Variants in BIN3 observed in about 807,000 individuals in gnomAD.
BIN3 encodes bridging integrator 3.
Under a neutral mutation model 38.2 loss-of-function variants are expected in BIN3, and 41 were observed. That is an observed-to-expected ratio of 1.07 (90% CI 0.84 to 1.39). The LOEUF (loss-of-function observed/expected upper bound fraction) is 1.39. Ranked by LOEUF, BIN3 falls within the 40% of genes most tolerant of loss-of-function variation. BIN3 has a pLI of 0.00. For missense variants in BIN3, 361 were observed against 324.3 expected, an observed-to-expected ratio of 1.11 and a Z score of -0.87; for synonymous variants, 145 against 122.6, an observed-to-expected ratio of 1.18 and a Z score of -1.21.
chr8:22,623,314 G>A (rs993366583), intron 8 of BIN3, among the ~76,000 whole-genome samples: 1 of 152,208 alleles, frequency 6.6e-6, no homozygotes, highest in Non-Finnish European at 1.5e-5. Context: ...GTCCCCGAGT[G>A]GAAGGAGACG....
intron 8 of BIN3, among the ~76,000 whole-genome samples, 162 bp from the exon 9 acceptor site, chr8:22,621,730 A>G (rs796069145): frequency 7.9e-5 from 12 of 152,326 alleles, no homozygotes; most frequent in African/African-American, 2.9e-4. Context: ...GCTCTAGCTG[A>G]GACTGAACCA....
chr8:22,648,934 TGTATGTAA>T (rs1386060140), intron 1 of BIN3, among the ~76,000 whole-genome samples: 3 of 150,118 alleles, frequency 2.0e-5, no homozygotes. Flanking sequence ...TATGTATGTA[TGTATGTAA>T]GTGTGTGTGT....
chr8:22,647,705 G>C (rs545608694), intron 1 of BIN3, among the ~76,000 whole-genome samples: 1 of 152,096 alleles, frequency 6.6e-6, no homozygotes, highest in Non-Finnish European at 1.5e-5. Context: ...CTCTTTCCTT[G>C]TATTTTCACC....
At chr8:22,647,951 G>C (rs76856898) in intron 1 of BIN3, among the ~76,000 whole-genome samples, 49,806 of 150,882 alleles carry the variant, frequency 0.33, 8,609 homozygotes, top group East Asian at 0.66. Flanking sequence ...ACGGTGAAAC[G>C]CCGTCTCTAC....
At chr8:22,633,989 A>C (rs996137619) in intron 4 of BIN3, among the ~76,000 whole-genome samples, 1 of 152,232 alleles carries the variant, frequency 6.6e-6, no homozygotes, top group African/African-American at 2.4e-5. Flanking sequence ...CTGGGAAACT[A>C]AGCTTTCCAC....
intron 8 of BIN3, among the ~76,000 whole-genome samples, chr8:22,623,636 T>C (rs1236689253): frequency 2.0e-5 from 3 of 152,160 alleles, no homozygotes; most frequent in Non-Finnish European, 4.4e-5. Flanking sequence ...TAGTGAAATG[T>C]AGAGAGATCC....
intron 1 of BIN3, among the ~76,000 whole-genome samples, chr8:22,663,399 T>C (rs912728972): frequency 2.8e-5 from 4 of 144,534 alleles, no homozygotes; most frequent in African/African-American, 1.1e-4. Flanking sequence ...ATTGCACTAC[T>C]GCACTCCAGC....
intron 1 of BIN3, among the ~76,000 whole-genome samples, chr8:22,646,949 G>A (rs1245759831): frequency 3.3e-5 from 5 of 152,170 alleles, no homozygotes; most frequent in Non-Finnish European, 7.3e-5. Context: ...CAGTGGCATT[G>A]CAGACAGACA....
chr8:22,650,966 TTGG>T (rs1802872308), intron 1 of BIN3, among the ~76,000 whole-genome samples: 1 of 152,212 alleles, frequency 6.6e-6, no homozygotes, highest in Admixed American at 6.5e-5. Context: ...CATCCTGCCC[TTGG>T]GAGCCAGCAG....
chr8:22,656,141 A>C (rs917434291), intron 1 of BIN3, among the ~76,000 whole-genome samples: 19 of 152,082 alleles, frequency 1.2e-4, no homozygotes, highest in Non-Finnish European at 4.4e-5. Flanking sequence ...TTAACTTTTG[A>C]AGATCCTATT....
At chr8:22,644,835 T>C (rs1802666151) in intron 1 of BIN3, 32 bp from the exon 2 acceptor site, 3 of 1,589,884 alleles carry the variant, frequency 1.9e-6, no homozygotes, top group Non-Finnish European at 2.6e-6. Flanking sequence ...AGAGATATTG[T>C]GAGAAGTGGG....
At chr8:22,627,324 ACT>A (rs1046209891) in intron 6 of BIN3, among the ~76,000 whole-genome samples, 2 of 145,614 alleles carry the variant, frequency 1.4e-5, no homozygotes, top group Admixed American at 1.4e-4. Context: ...GTGGACCAGG[ACT>A]CTGTCACATC....
intron 6 of BIN3, chr8:22,629,728 G>C (rs1462927840): frequency 6.9e-6 from 4 of 576,116 alleles, no homozygotes; most frequent in Non-Finnish European, 1.2e-5. Context: ...GGTGGGGTGG[G>C]AAGGGGGTGG....
At chr8:22,664,424 A>G (rs1173239735) in intron 1 of BIN3, among the ~76,000 whole-genome samples, 2 of 152,226 alleles carry the variant, frequency 1.3e-5, no homozygotes, top group Non-Finnish European at 2.9e-5. Flanking sequence ...GTCCAAAGTC[A>G]CAGAGGACAT....
In BIN3 at chr8:22,621,531, T is replaced by C. The variant is rs1585172892; in HGVS notation, c.653A>G (p.Asp218Gly). ...TGGCTGGTCAAGCTGATGGGACAGG[T>C]CTCCAAAGATCTTGTGCATTTCCGA... ...YYSEMHKIFGDLSHQLDQPGH... is the reference protein window; with the variant it reads ...YYSEMHKIFGGLSHQLDQPGH... Residue 218 changes from aspartate to glycine, a missense_variant, in exon 9 of 9, where the codon GAC becomes GGC. By Grantham distance (94) the Asp-to-Gly change is moderately conservative. Coordinates refer to ENST00000276416, the MANE Select transcript of BIN3 (RefSeq NM_018688.6). The C allele has an allele frequency of 6.2e-7, 1 of 1,613,702 alleles. No homozygotes were observed. The highest frequency in any genetic ancestry group is 1.3e-5 in the African/African-American group (1 of 75,020).
At chr8:22,668,632 G>A (rs552421405) in intron 1 of BIN3, among the ~76,000 whole-genome samples, 48 of 152,358 alleles carry the variant, frequency 3.2e-4, no homozygotes, top group African/African-American at 1.1e-3. Flanking sequence ...TTAGTGAACT[G>A]GGTCCAGGCT....
intron 6 of BIN3, among the ~76,000 whole-genome samples, chr8:22,627,942 G>A (rs1419356449): frequency 1.3e-5 from 2 of 152,224 alleles, no homozygotes; most frequent in African/African-American, 4.8e-5. Flanking sequence ...TCAAAGAAGG[G>A]GGCCGGGCTG....
chr8:22,636,464 G>A (rs938711441), intron 4 of BIN3, 61 bp downstream of exon 4: 7 of 1,514,668 alleles, frequency 4.6e-6, no homozygotes, highest in African/African-American at 1.4e-5. Flanking sequence ...GGCTGAGAGA[G>A]GAGGGTGCCC....
Position 22,621,274 on chromosome 8 carries a change from C to A in BIN3, c.*148G>T. On this transcript the variant is annotated 3_prime_UTR_variant, in exon 9 of 9. Transcript: ENST00000276416. ...CCTGCCTAGGGCTCCTGGTGCCAGG[C>A]TCAGGAAGAGTCATTCATTGCAAAG... 3 of 1,095,090 alleles carry A rather than the reference C, an allele frequency of 2.7e-6. No homozygotes were observed. The highest frequency in any genetic ancestry group is 3.8e-6 in the Non-Finnish European group (3 of 784,878). 67.8% of individuals were successfully genotyped at this position (1,095,090 alleles called of 1,614,324 possible). A position where few individuals can be genotyped will look rare whatever the true frequency, so the allele number is the denominator to read the frequency against.
Sources: gnomAD v4.1 joint callset for allele counts (sites outside exome capture counted in the v4.1 genomes callset) on GRCh38, gnomAD v4.1.1 for gene constraint, MANE v1.5 for transcripts, NCBI Gene and HGNC (gene_info 2026-07-23, HGNC 2026-07-21) for gene names.